Variants in RBFOX1 observed in about 807,000 individuals in gnomAD.
The protein encoded by RBFOX1 is RNA binding protein fox-1 homolog 1.
RBFOX1 carries 8 observed loss-of-function variants against 57.7 expected under a neutral mutation model. That is an observed-to-expected ratio of 0.14 (90% CI 0.08 to 0.25). The LOEUF (loss-of-function observed/expected upper bound fraction) is 0.25, where lower values mean the gene tolerates loss of function less well. Among genes scored for constraint, RBFOX1 ranks in the 10% least tolerant of loss-of-function variants. The pLI, the probability that RBFOX1 is intolerant of heterozygous loss-of-function variation, is 1.00. For missense variants in RBFOX1, 611 were observed against 548.5 expected (o/e 1.11, Z -1.14); for synonymous variants, 326 against 222.4 (o/e 1.47, Z -4.15).
chr16:6,737,169 G>A (rs916260382), intron 3 of RBFOX1, among the ~76,000 whole-genome samples: 32 of 152,136 alleles, frequency 2.1e-4, no homozygotes, highest in African/African-American at 7.2e-4. Flanking sequence ...AAGAATATTG[G>A]CAAGAATGGT....
At chr16:5,479,315 A>G (rs572830695) in intron 2 of RBFOX1, among the ~76,000 whole-genome samples, 10 of 152,274 alleles carry the variant, frequency 6.6e-5, no homozygotes, top group South Asian at 2.1e-4. Flanking sequence ...TAGAACAAGG[A>G]CTGTAAGCAC....
chr16:6,808,783 C>G (rs768846753), intron 3 of RBFOX1, among the ~76,000 whole-genome samples: 2 of 152,150 alleles, frequency 1.3e-5, no homozygotes, highest in Non-Finnish European at 2.9e-5. Context: ...TTAACTGTAT[C>G]TGTGTCTTCT....
chr16:6,845,920 C>T (rs761093805), intron 3 of RBFOX1, among the ~76,000 whole-genome samples: 3 of 152,172 alleles, frequency 2.0e-5, no homozygotes, highest in African/African-American at 4.8e-5. Flanking sequence ...CTTAAAAAGG[C>T]AAATCTCAAC....
chr16:6,900,327 C>T (rs964319814), intron 3 of RBFOX1, among the ~76,000 whole-genome samples: 1 of 152,168 alleles, frequency 6.6e-6, no homozygotes, highest in Non-Finnish European at 1.5e-5. Flanking sequence ...CCATCATCTC[C>T]CCCTGGAGCT....
chr16:6,315,228 G>C (rs2080924823), intron 1 of RBFOX1, among the ~76,000 whole-genome samples: 1 of 152,202 alleles, frequency 6.6e-6, no homozygotes, highest in Admixed American at 6.5e-5. Context: ...TGGTCACAAA[G>C]TTAGAAGGTA....
chr16:7,232,666 A>G (rs1175710105), intron 4 of RBFOX1, among the ~76,000 whole-genome samples: 2 of 151,846 alleles, frequency 1.3e-5, no homozygotes, highest in Non-Finnish European at 2.9e-5. Context: ...ACATGGAGAA[A>G]CCCTGTCTCT....
chr16:7,013,943 C>A (rs1386985079), intron 3 of RBFOX1, among the ~76,000 whole-genome samples: 1 of 152,098 alleles, frequency 6.6e-6, no homozygotes, highest in Non-Finnish European at 1.5e-5. Flanking sequence ...CAGATTTGAG[C>A]CACGGCGCTT....
chr16:5,345,863 T>C (rs1052708504), intron 1 of RBFOX1, among the ~76,000 whole-genome samples: 3 of 152,214 alleles, frequency 2.0e-5, no homozygotes, highest in Non-Finnish European at 4.4e-5. Flanking sequence ...GTTAGTGGGC[T>C]GGTGAGGAGA....
rs57717446 is a variant in RBFOX1, at chr16:7,404,028, CTTTTATTTTATTTTATTTTA to C, written c.28-114096_28-114077del. 3.7e-4 allele frequency among the ~76,000 whole-genome samples: 48 copies of C among 130,002 alleles called. 1 individual carries two copies. The highest frequency in any genetic ancestry group is 9.1e-4 in the African/African-American group (32 of 35,124). The allele number at this position is 130,002 out of a possible 152,430, so 85.3% of individuals were successfully genotyped here. On this transcript the variant is annotated intron_variant, in intron 4 of 15. Transcript: ENST00000550418. ...GGAGTGCATATCCTGATTTCATTTC[CTTTTATTTTATTTTATTTTA>C]TTTTATTTTATTTTATTTTATTGAG...
At chr16:6,298,594 G>A (rs763936275) in intron 1 of RBFOX1, among the ~76,000 whole-genome samples, 1 of 152,132 alleles carries the variant, frequency 6.6e-6, no homozygotes, top group Non-Finnish European at 1.5e-5. Flanking sequence ...AGATCCTAAT[G>A]GGTTCAGTTA....
At chr16:7,085,941 C>G (rs1050906123) in intron 4 of RBFOX1, among the ~76,000 whole-genome samples, 8 of 152,126 alleles carry the variant, frequency 5.3e-5, no homozygotes, top group Admixed American at 2.6e-4. Flanking sequence ...TTCATGGGCT[C>G]TAAAATGTAC....
intron 4 of RBFOX1, among the ~76,000 whole-genome samples, chr16:5,911,009 T>A (rs1291072818): frequency 6.6e-6 from 1 of 152,146 alleles, no homozygotes; most frequent in East Asian, 1.9e-4. Context: ...CATGCCCCCT[T>A]TCTCACCTCT....
intron 2 of RBFOX1, among the ~76,000 whole-genome samples, chr16:5,542,400 C>A (rs2044995146): frequency 6.6e-6 from 1 of 151,646 alleles, no homozygotes; most frequent in Non-Finnish European, 1.5e-5. Context: ...AGGCATGCGC[C>A]ACCATGCCTG....
chr16:5,853,667 G>C (rs1009404306), intron 3 of RBFOX1, among the ~76,000 whole-genome samples: 2 of 152,234 alleles, frequency 1.3e-5, no homozygotes, highest in African/African-American at 4.8e-5. Flanking sequence ...GCTTAACAGA[G>C]TTCAGGATGT....
chr16:5,921,949 T>C (rs1001789742), intron 4 of RBFOX1, among the ~76,000 whole-genome samples: 4 of 151,448 alleles, frequency 2.6e-5, no homozygotes, highest in Admixed American at 1.3e-4. Flanking sequence ...GCTAGGAGTT[T>C]GCGACTAGCA....
intron 3 of RBFOX1, chr16:5,867,226 G>T: frequency 9.8e-7 from 1 of 1,021,850 alleles, no homozygotes; most frequent in South Asian, 5.0e-5. Flanking sequence ...ATTGATGCCA[G>T]TTCCTTTAAA....
intron 4 of RBFOX1, among the ~76,000 whole-genome samples, chr16:5,903,759 G>C (rs886248606): frequency 1.3e-5 from 2 of 152,068 alleles, no homozygotes; most frequent in Non-Finnish European, 2.9e-5. Context: ...CTACCTATGA[G>C]AGCTAGGCTG....
At chr16:6,845,770 A>G (rs1371459226) in intron 3 of RBFOX1, among the ~76,000 whole-genome samples, 1 of 152,188 alleles carries the variant, frequency 6.6e-6, no homozygotes, top group African/African-American at 2.4e-5. Context: ...CTGGTCTTTT[A>G]TCAGATCCTC....
intron 1 of RBFOX1, among the ~76,000 whole-genome samples, chr16:6,123,229 T>C (rs1228727300): frequency 6.6e-6 from 1 of 152,172 alleles, no homozygotes; most frequent in Non-Finnish European, 1.5e-5. Flanking sequence ...TTATTTGCAA[T>C]AGCCAAAAGG....
Sources: gnomAD v4.1 joint callset for allele counts (sites outside exome capture counted in the v4.1 genomes callset) on GRCh38, gnomAD v4.1.1 for gene constraint, MANE v1.5 for transcripts, NCBI Gene and HGNC (gene_info 2026-07-23, HGNC 2026-07-21) for gene names.